Variants in CCDC170 observed in about 807,000 individuals in gnomAD.
CCDC170 encodes the protein coiled-coil domain containing 170, also known as coiled-coil domain-containing protein 170.
CCDC170 carries 69 observed loss-of-function variants against 72.6 expected under a neutral mutation model. The observed-to-expected ratio is 0.95, with a 90% CI of 0.78 to 1.16. The LOEUF is 1.16. Among genes scored for constraint, CCDC170 ranks in the 50% most tolerant of loss-of-function variants. The pLI is 0.00. For missense variants in CCDC170, 852 were observed against 832.5 expected, an observed-to-expected ratio of 1.02 and a Z score of -0.29; for synonymous variants, 300 against 303.9, an observed-to-expected ratio of 0.99 and a Z score of 0.13.
At chr6:151,564,615 G>A (rs927194275) in intron 5 of CCDC170, among the ~76,000 whole-genome samples, 2 of 152,314 alleles carry the variant, frequency 1.3e-5, no homozygotes, top group South Asian at 2.1e-4. Context: ...TGATGGCTGG[G>A]CAGGCCAGGC....
At chr6:151,524,532 A>T (rs2115035917) in intron 1 of CCDC170, among the ~76,000 whole-genome samples, 1 of 152,318 alleles carries the variant, frequency 6.6e-6, no homozygotes, top group East Asian at 1.9e-4. Flanking sequence ...AATAAATTGG[A>T]CTTTTAAAAC....
At position 151,596,554 on chromosome 6, in the gene CCDC170, C is replaced by T. The variant is rs531816992; in HGVS notation, c.1687C>T (p.Leu563=). The T allele has an allele frequency of 3.2e-5, 51 of 1,614,154 alleles. No homozygotes were observed. The South Asian group carries it at 4.7e-4, about 15-fold the overall frequency. ...CTTGCACACCGAGCTCAAAGCCAAA[C>T]TGGCCGACACCAATGAACTGAAGGC... ...RDLHTELKAK[L]ADTNELKIKT... Residue 563 remains leucine (L), a synonymous_variant, in exon 9 of 11, where the codon CTG becomes TTG. Transcript: ENST00000239374.
chr6:151,531,610 A>G (rs1782491354), intron 1 of CCDC170, among the ~76,000 whole-genome samples: 1 of 152,310 alleles, frequency 6.6e-6, no homozygotes, highest in Non-Finnish European at 1.5e-5. Flanking sequence ...ACAAGACAAA[A>G]TGTCCGTTAT....
At chr6:151,580,398 C>G (rs1583035936) in intron 6 of CCDC170, among the ~76,000 whole-genome samples, 1 of 152,062 alleles carries the variant, frequency 6.6e-6, no homozygotes, top group Non-Finnish European at 1.5e-5. Flanking sequence ...ATCTTGTGGA[C>G]ATTTTTCTGT....
chr6:151,497,001 C>G (rs1410360871), intron 1 of CCDC170, among the ~76,000 whole-genome samples: 1 of 152,224 alleles, frequency 6.6e-6, no homozygotes, highest in Non-Finnish European at 1.5e-5. Context: ...CCTACTCCTA[C>G]CATCATCACC....
intron 1 of CCDC170, among the ~76,000 whole-genome samples, chr6:151,511,495 T>C (rs1478221110): frequency 6.6e-6 from 1 of 152,202 alleles, no homozygotes; most frequent in Non-Finnish European, 1.5e-5. Context: ...TCACCAGATA[T>C]TTATGGGGTG....
At chr6:151,513,786 G>A (rs929201456) in intron 1 of CCDC170, among the ~76,000 whole-genome samples, 8 of 151,388 alleles carry the variant, frequency 5.3e-5, no homozygotes, top group Non-Finnish European at 8.8e-5. Flanking sequence ...AGGCAGTAGT[G>A]GCATTCGCCT....
At chr6:151,528,371 G>A (rs962054459) in intron 1 of CCDC170, among the ~76,000 whole-genome samples, 1 of 152,142 alleles carries the variant, frequency 6.6e-6, no homozygotes, top group Non-Finnish European at 1.5e-5. Flanking sequence ...CCCCCAAAAT[G>A]TCAGCTTTCA....
intron 6 of CCDC170, among the ~76,000 whole-genome samples, chr6:151,584,541 A>G (rs899640037): frequency 2.0e-5 from 3 of 152,236 alleles, no homozygotes; most frequent in Non-Finnish European, 4.4e-5. Flanking sequence ...AATACACAAA[A>G]ACAAATTATT....
chr6:151,574,525 A>T (rs1776274145), intron 6 of CCDC170, among the ~76,000 whole-genome samples: 1 of 152,222 alleles, frequency 6.6e-6, no homozygotes, highest in South Asian at 2.1e-4. Flanking sequence ...AAGGTAATGC[A>T]GAGTGCAGCC....
At chr6:151,505,817 C>T (rs1378955732) in intron 1 of CCDC170, among the ~76,000 whole-genome samples, 1 of 152,182 alleles carries the variant, frequency 6.6e-6, no homozygotes, top group African/African-American at 2.4e-5. Context: ...GAACTCTAGG[C>T]TGGTCATGGT....
chr6:151,548,733 T>TTAAC (rs1272383075), intron 5 of CCDC170, among the ~76,000 whole-genome samples: 4 of 151,642 alleles, frequency 2.6e-5, no homozygotes, highest in African/African-American at 7.3e-5. Context: ...AATTAATTAA[T>TTAAC]TTTTGAGAAG....
chr6:151,606,514 C>T (rs1257034349), intron 9 of CCDC170, among the ~76,000 whole-genome samples: 1 of 152,104 alleles, frequency 6.6e-6, no homozygotes. Flanking sequence ...TTAAAAAATT[C>T]GTTGAGACTT....
At chr6:151,545,247 C>T (rs1782753365) in intron 4 of CCDC170, among the ~76,000 whole-genome samples, 1 of 152,004 alleles carries the variant, frequency 6.6e-6, no homozygotes, top group Admixed American at 6.6e-5. Context: ...TGGAGAAACC[C>T]CGTCTCTACT....
rs533979387 is a variant in CCDC170, at chr6:151,527,187, G to A, written c.58-9131G>A. The stretch of plus-strand genomic sequence containing the variant: ...GCTGGGATTACAGGTGTGAGCCATC[G>A]AGCTTAGCCATATTAGAAGGATTTT... On this transcript the variant is annotated intron_variant, in intron 1 of 10. Coordinates refer to ENST00000239374, the MANE Select transcript of CCDC170 (RefSeq NM_025059.4). Among the ~76,000 whole-genome samples the A allele has an allele frequency of 3.2e-4, 48 of 150,710 alleles. 1 individual carries two copies. Among genetic ancestry groups the A allele is most frequent in the Admixed American group, 6.7e-4 (10 of 14,904 alleles).
In CCDC170 at chr6:151,549,293, C is replaced by T. The variant is rs563945229; in HGVS notation, c.774+804C>T. On this transcript the variant is annotated intron_variant, in intron 5 of 10. Transcript: ENST00000239374. ...TCAAGTGATCTGCCCACCTTGACCT[C>T]CCAAAGTGCTGGAATTACAGGTGTG... 1.3e-3 allele frequency among the ~76,000 whole-genome samples: 198 copies of T among 150,916 alleles called. 2 individuals carry two copies. Among genetic ancestry groups the T allele is most frequent in the Non-Finnish European group, 5.8e-4 (39 of 67,664 alleles).
rs1258592004 is a variant in CCDC170 at position 151,617,927 on chromosome 6, G to A, written c.1948-20G>A. On this transcript the variant is annotated intron_variant, in intron 10 of 10. Coordinates refer to ENST00000239374, the MANE Select transcript of CCDC170 (RefSeq NM_025059.4). ...TACATTTTGTTCTCCCAGTTAATGAGTTTCTGTTTGATATTGCAGCTGGCA... is the reference window on the plus strand; with the variant it reads ...TACATTTTGTTCTCCCAGTTAATGAATTTCTGTTTGATATTGCAGCTGGCA... The A allele has an allele frequency of 3.7e-6, 6 of 1,606,500 alleles. No homozygotes were observed. The highest frequency in any genetic ancestry group is 1.7e-4 in the Middle Eastern group (1 of 6,028).
intron 6 of CCDC170, among the ~76,000 whole-genome samples, chr6:151,581,517 C>G (rs1028155001): frequency 6.6e-6 from 1 of 152,192 alleles, no homozygotes; most frequent in African/African-American, 2.4e-5. Flanking sequence ...GCAGTTACTT[C>G]CTCCACTGAA....
chr6:151,600,443 G>A (rs1032137358), intron 9 of CCDC170, among the ~76,000 whole-genome samples: 2 of 152,054 alleles, frequency 1.3e-5, no homozygotes, highest in South Asian at 4.1e-4. Context: ...TCCCCTTCAC[G>A]TGACCTCCCC....
Sources: allele counts gnomAD v4.1 joint callset (sites outside exome capture counted in the v4.1 genomes callset), GRCh38; gene constraint gnomAD v4.1.1; transcripts MANE v1.5; gene names NCBI Gene and HGNC (gene_info 2026-07-23, HGNC 2026-07-21).